The following COL4A2 variants were observed in gnomAD, a reference collection of about 807,000 sequenced individuals.
COL4A2 encodes the protein collagen type IV alpha 2 chain, also known as collagen alpha-2(IV) chain.
In COL4A2, 99 loss-of-function variants were observed where a neutral mutation model predicts 200.2. The ratio of observed to expected loss-of-function variants is 0.49; its 90% CI spans 0.42 to 0.58. The LOEUF is 0.58. COL4A2 is among the 20% of genes least tolerant of loss of function. The pLI, the probability that COL4A2 is intolerant of heterozygous loss-of-function variation, is 0.00. For synonymous variants in COL4A2, 897 were observed against 900.6 expected, an observed-to-expected ratio of 1.00 and a Z score of 0.07; for missense variants, 1,950 against 2,314.1, an observed-to-expected ratio of 0.84 and a Z score of 3.23.
chr13:110,473,597 A>C (rs1882566290), intron 29 of COL4A2: 1 of 157,872 alleles, frequency 6.3e-6, no homozygotes, highest in African/African-American at 2.4e-5. Context: ...AAAATGTCTT[A>C]ATGTTGTTTA....
chr13:110,336,501 C>T (rs1272829750), intron 3 of COL4A2, among the ~76,000 whole-genome samples: 1 of 152,166 alleles, frequency 6.6e-6, no homozygotes, highest in Non-Finnish European at 1.5e-5. Flanking sequence ...CAGGGCTGGG[C>T]TTTCTTTCTG....
At chr13:110,441,179 C>T (rs745614298) in intron 16 of COL4A2, among the ~76,000 whole-genome samples, 3 of 152,290 alleles carry the variant, frequency 2.0e-5, no homozygotes, top group Middle Eastern at 3.4e-3. Context: ...ATCACAACTC[C>T]GTTGAATCCT....
chr13:110,332,464 A>T (rs1019123558), intron 3 of COL4A2, among the ~76,000 whole-genome samples: 1 of 152,222 alleles, frequency 6.6e-6, no homozygotes, highest in Non-Finnish European at 1.5e-5. Flanking sequence ...TGGCAGCAAC[A>T]CAAGTTCGTT....
At chr13:110,472,870 T>C in intron 28 of COL4A2, 59 bp from the exon 29 acceptor site, 1 of 1,503,074 alleles carries the variant, frequency 6.7e-7, no homozygotes, top group Non-Finnish European at 9.1e-7. Flanking sequence ...TTTTGACTCT[T>C]CTCTTAGAAC....
At chr13:110,363,212 C>T (rs1474287183) in intron 4 of COL4A2, among the ~76,000 whole-genome samples, 1 of 152,166 alleles carries the variant, frequency 6.6e-6, no homozygotes, top group Non-Finnish European at 1.5e-5. Context: ...ACCCACAGTG[C>T]CCCCTGTGGC....
intron 22 of COL4A2, 158 bp downstream of exon 22, chr13:110,459,092 A>C: frequency 1.5e-6 from 1 of 676,576 alleles, no homozygotes; most frequent in Non-Finnish European, 2.3e-6. Flanking sequence ...ACATACCCCA[A>C]GGCGGACTTT....
intron 3 of COL4A2, among the ~76,000 whole-genome samples, chr13:110,348,710 CTTT>C (rs1390866180): frequency 1.1e-4 from 16 of 151,540 alleles, no homozygotes; most frequent in African/African-American, 3.9e-4. Flanking sequence ...AGGATGATAA[CTTT>C]TTAACAATAG....
In COL4A2 at chr13:110,438,807, C is replaced by A. The variant is rs1222934502; in HGVS notation, c.912+139C>A. 9.1e-6 allele frequency: 7 copies of A among 772,072 alleles called. No homozygotes were observed. The Admixed American group carries it at 1.4e-4, about 15-fold the overall frequency. The allele number at this position is 772,072 out of a possible 1,614,324, so 47.8% of individuals were successfully genotyped here. ...ATTTCCCGTTATTACTCCCCACCCC[C>A]CCCCACACACACACACAGCAGCCCC... On this transcript the variant is annotated intron_variant, in intron 15 of 47. Coordinates refer to ENST00000360467, the MANE Select transcript of COL4A2 (RefSeq NM_001846.4).
At chr13:110,390,166 T>C (rs1459640280) in intron 4 of COL4A2, among the ~76,000 whole-genome samples, 1 of 152,188 alleles carries the variant, frequency 6.6e-6, no homozygotes, top group Non-Finnish European at 1.5e-5. Flanking sequence ...TAAGACACAA[T>C]CACCCCACTC....
chr13:110,419,322 C>T (rs949256015), intron 4 of COL4A2, among the ~76,000 whole-genome samples: 3 of 152,146 alleles, frequency 2.0e-5, no homozygotes, highest in Non-Finnish European at 4.4e-5. Flanking sequence ...ATTAAAAATC[C>T]TGATGTGTAG....
rs892821864 is a variant in COL4A2 at position 110,489,897 on chromosome 13, A to G, written c.3346+112A>G. On this transcript the variant is annotated intron_variant, in intron 36 of 47. Transcript: ENST00000360467. ...CAGTAACAACCAGAAAGCACTTGAT[A>G]GTGAATGAGGTCTTCAAGTCCAATG... 4 of 1,124,026 alleles carry G rather than the reference A, an allele frequency of 3.6e-6. No homozygotes were observed. The African/African-American group carries it at 6.3e-5, about 18-fold the overall frequency. The allele number at this position is 1,124,026 out of a possible 1,614,324, so 69.6% of individuals were successfully genotyped here.
At chr13:110,469,173 C>G (rs773111830) in intron 27 of COL4A2, 44 bp from the exon 28 acceptor site, 1 of 1,551,414 alleles carries the variant, frequency 6.4e-7, no homozygotes, top group Non-Finnish European at 8.7e-7. Flanking sequence ...GCCCATTTAT[C>G]CTCGTGGAGC....
chr13:110,364,315 G>A (rs1274882884), intron 4 of COL4A2, among the ~76,000 whole-genome samples: 1 of 152,212 alleles, frequency 6.6e-6, no homozygotes, highest in African/African-American at 2.4e-5. Context: ...GGCTCATCCA[G>A]CGCTGCAGGG....
intron 14 of COL4A2, 112 bp from the exon 15 acceptor site, chr13:110,438,506 C>T (rs1274756936): frequency 1.4e-6 from 2 of 1,397,620 alleles, no homozygotes; most frequent in African/African-American, 1.4e-5. Flanking sequence ...GCGGTCTGGA[C>T]ACCATCGGGG....
In COL4A2 at chr13:110,383,575, C is replaced by T. The variant is rs1414927238; in HGVS notation, c.180+26023C>T. Among the ~76,000 whole-genome samples, 4 of 144,126 alleles carry T rather than the reference C, an allele frequency of 2.8e-5. No homozygotes were observed. In the East Asian group the frequency reaches 6.1e-4, roughly 22 times the overall value. 94.6% of individuals were successfully genotyped at this position (144,126 alleles called of 152,430 possible). A position where few individuals can be genotyped will look rare whatever the true frequency, so the allele number is the denominator to read the frequency against. ...AAACCAAGATGCTAACAGGAGGATG[C>T]AATCAGTGGTTATTTTGTGTCAGCC... On this transcript the variant is annotated intron_variant, in intron 4 of 47. Transcript: ENST00000360467.
At chr13:110,324,581 C>T (rs577714675) in intron 3 of COL4A2, among the ~76,000 whole-genome samples, 5 of 152,194 alleles carry the variant, frequency 3.3e-5, no homozygotes, top group Admixed American at 6.5e-5. Context: ...AACGGATGCA[C>T]GTTTGACTCA....
intron 4 of COL4A2, among the ~76,000 whole-genome samples, chr13:110,379,642 G>T (rs1313840734): frequency 6.6e-6 from 1 of 152,188 alleles, no homozygotes; most frequent in African/African-American, 2.4e-5. Context: ...GAGCTGGGGT[G>T]CTGGGGTCGG....
intron 4 of COL4A2, among the ~76,000 whole-genome samples, chr13:110,366,354 C>T (rs752506738): frequency 5.9e-5 from 9 of 152,198 alleles, no homozygotes; most frequent in Non-Finnish European, 1.3e-4. Context: ...ACAGCGTCCA[C>T]AGTCAGTCTT....
intron 44 of COL4A2, 48 bp from the exon 45 acceptor site, chr13:110,504,100 C>A (rs759382481): frequency 6.3e-7 from 1 of 1,589,592 alleles, no homozygotes; most frequent in Admixed American, 1.7e-5. Context: ...GCCGGCCGTG[C>A]CAGGCGTGGT....
Sources: allele counts gnomAD v4.1 joint callset (sites outside exome capture counted in the v4.1 genomes callset), GRCh38; gene constraint gnomAD v4.1.1; transcripts MANE v1.5; gene names NCBI Gene and HGNC (gene_info 2026-07-23, HGNC 2026-07-21).